Variants in RELN observed in about 807,000 individuals in gnomAD.
RELN encodes the protein reelin.
A neutral mutation model predicts 427.6 loss-of-function variants in RELN; 108 were observed. The ratio of observed to expected loss-of-function variants is 0.25; its 90% CI spans 0.22 to 0.30. The LOEUF is 0.30. Among genes scored for constraint, RELN ranks in the 10% least tolerant of loss-of-function variants. The probability of loss-of-function intolerance (pLI) is 1.00; values close to 1 mark genes in which losing one functional copy is unlikely to be tolerated. For synonymous variants in RELN, 1,524 were observed against 1,513.4 expected (o/e 1.01, Z -0.16); for missense variants, 3,715 against 4,302.8 (o/e 0.86, Z 3.82).
At chr7:103,976,583 T>C (rs771724958) in intron 1 of RELN, among the ~76,000 whole-genome samples, 17 of 152,112 alleles carry the variant, frequency 1.1e-4, no homozygotes, top group Non-Finnish European at 2.4e-4. Flanking sequence ...TTGGCCTTAA[T>C]ATAGCTGGAG....
chr7:103,557,446 T>G (rs1830549985), intron 37 of RELN, among the ~76,000 whole-genome samples: 1 of 152,224 alleles, frequency 6.6e-6, no homozygotes, highest in African/African-American at 2.4e-5. Context: ...CAAAACATTT[T>G]GATTCTACAG....
chr7:103,594,166 T>C (rs1393227015), intron 26 of RELN, among the ~76,000 whole-genome samples, 155 bp downstream of exon 26: 1 of 152,198 alleles, frequency 6.6e-6, no homozygotes, highest in Non-Finnish European at 1.5e-5. Flanking sequence ...ATCTGTGAAG[T>C]GGTAGCATAG....
At chr7:103,661,934 T>C (rs1031281749) in intron 11 of RELN, among the ~76,000 whole-genome samples, 2 of 152,162 alleles carry the variant, frequency 1.3e-5, no homozygotes, top group Non-Finnish European at 2.9e-5. Context: ...GTTTTACCTA[T>C]TGAAAATAGT....
chr7:103,878,823 A>G (rs1366231138), intron 2 of RELN, among the ~76,000 whole-genome samples: 1 of 152,182 alleles, frequency 6.6e-6, no homozygotes, highest in East Asian at 1.9e-4. Flanking sequence ...AACAGAATAT[A>G]TGCTTCTGAC....
chr7:103,550,613 C>A (rs1830389574), intron 41 of RELN, among the ~76,000 whole-genome samples: 2 of 122,662 alleles, frequency 1.6e-5, no homozygotes, highest in Non-Finnish European at 3.5e-5. Flanking sequence ...AACGTGCTAA[C>A]TTTTTTTTTT....
Position 103,596,631 on chromosome 7 carries a change from G to C in RELN, c.3364C>G (p.Leu1122Val). ...AGKRQLVSWD[L>V]DTSWVDFVQF... ...ACAAAGTCCACCCAAGAAGTATCCA[G>C]GTCCCAACTCACCAGCTGTCTTTTC... is the stretch of plus-strand genomic sequence containing the variant. The change falls in exon 25 of 65, where the codon CTG (leucine) becomes GTG (valine). Residue 1122 changes from leucine to valine, a missense_variant. By Grantham distance (32) the Leu-to-Val change is conservative. Around this residue, in one of 4 missense-constraint regions of RELN, gnomAD observed 2,208 missense variants for 2,361.7 expected, o/e 0.93. Coordinates refer to ENST00000428762, the MANE Select transcript of RELN (RefSeq NM_005045.4). 6.2e-7 allele frequency: 1 copy of C among 1,613,996 alleles called. No homozygotes were observed. The highest frequency in any genetic ancestry group is 2.2e-5 in the East Asian group (1 of 44,874).
intron 11 of RELN, among the ~76,000 whole-genome samples, chr7:103,661,978 T>C (rs974314711): frequency 1.3e-5 from 2 of 152,166 alleles, no homozygotes; most frequent in Non-Finnish European, 1.5e-5. Context: ...TTGGCAAAAG[T>C]CTAGCAAGTT....
At chr7:103,774,373 T>C (rs1791684557) in intron 4 of RELN, among the ~76,000 whole-genome samples, 1 of 151,528 alleles carries the variant, frequency 6.6e-6, no homozygotes, top group African/African-American at 2.4e-5. Context: ...CTCTAAGACA[T>C]AATGAGTACA....
At chr7:103,555,703 C>G (rs1327741573) in intron 38 of RELN, among the ~76,000 whole-genome samples, 1 of 152,088 alleles carries the variant, frequency 6.6e-6, no homozygotes, top group Non-Finnish European at 1.5e-5. Context: ...GAACTCCTGA[C>G]CTCAGGTGAT....
At chr7:103,707,291 T>TA (rs992984783) in intron 8 of RELN, among the ~76,000 whole-genome samples, 26 of 150,926 alleles carry the variant, frequency 1.7e-4, no homozygotes, top group African/African-American at 4.6e-4. Flanking sequence ...TGTATTTGCT[T>TA]AAAAAAAAAG....
intron 10 of RELN, among the ~76,000 whole-genome samples, chr7:103,692,139 C>A (rs1833885026): frequency 6.6e-6 from 1 of 152,102 alleles, no homozygotes; most frequent in Admixed American, 6.5e-5. Flanking sequence ...ATAAACTAGA[C>A]CCTCTTGATA....
chr7:103,884,130 C>T (rs530804423), intron 2 of RELN, among the ~76,000 whole-genome samples: 1 of 152,234 alleles, frequency 6.6e-6, no homozygotes, highest in African/African-American at 2.4e-5. Flanking sequence ...TAATGCCACA[C>T]ATCTACAACC....
At chr7:103,762,648 A>T (rs747862249) in intron 4 of RELN, among the ~76,000 whole-genome samples, 2 of 152,216 alleles carry the variant, frequency 1.3e-5, no homozygotes, top group Non-Finnish European at 2.9e-5. Context: ...TTCTGATAAC[A>T]TCAGCAAGCC....
intron 1 of RELN, among the ~76,000 whole-genome samples, chr7:103,946,341 T>C (rs865953495): frequency 3.3e-5 from 5 of 152,174 alleles, no homozygotes; most frequent in African/African-American, 4.8e-5. Context: ...GTTTAACAGA[T>C]AAACCTTTAA....
chr7:103,852,430 G>A lies in RELN; in HGVS notation c.338-18758C>T, dbSNP rs116548158. Among the ~76,000 whole-genome samples the A allele has an allele frequency of 5.5e-3, 836 of 152,218 alleles. 7 individuals are homozygous for A. Among genetic ancestry groups the A allele is most frequent in the African/African-American group, 0.019 (802 of 41,558 alleles). ...AGCTATGTCCTTTGGTAAATTATAT[G>A]TAAACTCTCCATGCTTCTCTTTTCT... On this transcript the variant is annotated intron_variant, in intron 2 of 64. Coordinates refer to ENST00000428762, the MANE Select transcript of RELN (RefSeq NM_005045.4).
At chr7:103,818,297 A>G (rs984384646) in intron 3 of RELN, among the ~76,000 whole-genome samples, 1 of 152,174 alleles carries the variant, frequency 6.6e-6, no homozygotes, top group African/African-American at 2.4e-5. Flanking sequence ...CTTACAAAAT[A>G]AACATTTAAA....
chr7:103,650,201 C>G, intron 16 of RELN, 73 bp downstream of exon 16: 2 of 900,642 alleles, frequency 2.2e-6, no homozygotes, highest in Non-Finnish European at 3.8e-6. Flanking sequence ...GTGATTAAGT[C>G]TGTGCTGACG....
chr7:103,883,046 T>G (rs1794643542), intron 2 of RELN, among the ~76,000 whole-genome samples: 1 of 152,294 alleles, frequency 6.6e-6, no homozygotes, highest in South Asian at 2.1e-4. Context: ...AATAAATTAT[T>G]GACAAACCAA....
intron 6 of RELN, among the ~76,000 whole-genome samples, chr7:103,741,929 C>T (rs7805831): frequency 0.073 from 11,088 of 152,120 alleles, 524 homozygotes; most frequent in East Asian, 0.18. Context: ...TGGTTCTCCC[C>T]GCACGCAGCT....
Sources: allele counts gnomAD v4.1 joint callset (sites outside exome capture counted in the v4.1 genomes callset), GRCh38; gene constraint gnomAD v4.1.1; regional missense constraint gnomAD v4.1.1; transcripts MANE v1.5; gene names NCBI Gene and HGNC (gene_info 2026-07-23, HGNC 2026-07-21).